UHRF2: variants seen among roughly 807,000 people sequenced by gnomAD.
UHRF2 encodes E3 ubiquitin-protein ligase UHRF2.
UHRF2 carries 23 observed loss-of-function variants against 96.8 expected under a neutral mutation model. The observed-to-expected ratio is 0.24, with a 90% CI of 0.17 to 0.34. The LOEUF (loss-of-function observed/expected upper bound fraction) is 0.34. Among genes scored for constraint, UHRF2 ranks in the 10% least tolerant of loss-of-function variants. UHRF2 has a pLI of 1.00. For synonymous variants in UHRF2, 385 were observed against 332.6 expected (o/e 1.16, Z -1.72); for missense variants, 685 against 981.5 (o/e 0.70, Z 4.04).
chr9:6,439,212 C>A (rs1215347090), intron 3 of UHRF2, among the ~76,000 whole-genome samples: 2 of 152,162 alleles, frequency 1.3e-5, no homozygotes, highest in African/African-American at 4.8e-5. Flanking sequence ...TTTGAGACAG[C>A]CCTGCTCTAT....
chr9:6,460,465 A>T, intron 3 of UHRF2, 108 bp from the exon 4 acceptor site: 3 of 902,018 alleles, frequency 3.3e-6, no homozygotes, highest in Admixed American at 5.3e-5. Flanking sequence ...AACCTATTTT[A>T]CTCTTTCTCT....
At chr9:6,473,680 G>A (rs1010144328) in intron 4 of UHRF2, among the ~76,000 whole-genome samples, 9 of 152,080 alleles carry the variant, frequency 5.9e-5, no homozygotes, top group South Asian at 2.1e-4. Context: ...GTAAAGAGCC[G>A]GATAGTAAAT....
At chr9:6,444,761 C>T (rs1299883956) in intron 3 of UHRF2, among the ~76,000 whole-genome samples, 2 of 152,102 alleles carry the variant, frequency 1.3e-5, no homozygotes, top group Non-Finnish European at 2.9e-5. Flanking sequence ...CACTACCACG[C>T]CTGCCTAATT....
chr9:6,451,751 G>A (rs12686562), intron 3 of UHRF2, among the ~76,000 whole-genome samples: 32,812 of 150,280 alleles, frequency 0.22, 3,774 homozygotes, highest in African/African-American at 0.27. Flanking sequence ...GATTACAGGC[G>A]TGAGCCACCG....
At chr9:6,434,999 GTTTTTT>G (rs58171060) in intron 3 of UHRF2, among the ~76,000 whole-genome samples, 23 of 145,530 alleles carry the variant, frequency 1.6e-4, no homozygotes, top group Non-Finnish European at 3.0e-4. Flanking sequence ...TGTTTGGCTA[GTTTTTT>G]TTTTTTTTAA....
intron 9 of UHRF2, chr9:6,492,677 C>T (rs1050396263): frequency 1.3e-5 from 2 of 152,608 alleles, no homozygotes; most frequent in East Asian, 3.8e-4. Context: ...TTAAAATGAT[C>T]TTGCATTAAA....
In UHRF2 at chr9:6,434,596, G is replaced by A. The variant is rs897430708; in HGVS notation, c.644+423G>A. ...TGGGATTACAGGTGCATATCACCAC[G>A]CCTGATTAATTCTTGTATTTTTAGT... On this transcript the variant is annotated intron_variant, in intron 3 of 15. Coordinates refer to ENST00000276893, the MANE Select transcript of UHRF2 (RefSeq NM_152896.3). Among the ~76,000 whole-genome samples the A allele has an allele frequency of 5.9e-5, 9 of 151,606 alleles. No individual in the cohort carries two copies. The South Asian group carries it at 1.9e-3, about 32-fold the overall frequency.
intron 3 of UHRF2, among the ~76,000 whole-genome samples, chr9:6,455,592 T>G (rs1822130024): frequency 6.6e-6 from 1 of 152,150 alleles, no homozygotes; most frequent in Non-Finnish European, 1.5e-5. Context: ...AGTGCTGCAG[T>G]GAGCATACTT....
chr9:6,444,667 T>A (rs972983715), intron 3 of UHRF2, among the ~76,000 whole-genome samples: 3 of 152,156 alleles, frequency 2.0e-5, no homozygotes, highest in East Asian at 3.9e-4. Flanking sequence ...AATGGCATAA[T>A]CTCAGCTCAC....
At chr9:6,504,500 C>G in intron 14 of UHRF2, 93 bp from the exon 15 acceptor site, 1 of 737,402 alleles carries the variant, frequency 1.4e-6, no homozygotes, top group African/African-American at 1.8e-5. Flanking sequence ...GAATTATTCT[C>G]TACTAGCTGT....
intron 3 of UHRF2, among the ~76,000 whole-genome samples, chr9:6,455,359 A>T (rs978647549): frequency 6.6e-6 from 1 of 152,032 alleles, no homozygotes; most frequent in Admixed American, 6.6e-5. Context: ...TCATTGTTCA[A>T]TTCCCACCTA....
At chr9:6,422,521 A>C (rs995267112) in intron 2 of UHRF2, 3 of 428,386 alleles carry the variant, frequency 7.0e-6, no homozygotes, top group Non-Finnish European at 1.3e-5. Flanking sequence ...TGGAGATTGC[A>C]TCTATAGATC....
At chr9:6,484,455 C>G (rs1171941900) in intron 8 of UHRF2, 1 of 150,930 alleles carries the variant, frequency 6.6e-6, no homozygotes, top group African/African-American at 2.4e-5. Context: ...CCCTCCTCCC[C>G]CCTCCTCCTG....
intron 1 of UHRF2, among the ~76,000 whole-genome samples, chr9:6,418,192 A>G (rs1481172735): frequency 6.6e-6 from 1 of 150,680 alleles, no homozygotes; most frequent in East Asian, 1.9e-4. Context: ...GTGTGAATGC[A>G]GTGTTTGCTC....
intron 6 of UHRF2, 42 bp from the exon 7 acceptor site, chr9:6,481,600 AT>A (rs753816521): frequency 1.3e-6 from 2 of 1,597,456 alleles, no homozygotes; most frequent in South Asian, 1.1e-5. Context: ...TAGCTTTAAT[AT>A]GGTATTGTGA....
intron 14 of UHRF2, among the ~76,000 whole-genome samples, chr9:6,503,955 T>C (rs1816440831): frequency 6.6e-6 from 1 of 151,242 alleles, no homozygotes; most frequent in Non-Finnish European, 1.5e-5. Context: ...TTTCTTTATA[T>C]AACTTTGCTC....
At chr9:6,493,092 G>A (rs552120397) in intron 9 of UHRF2, among the ~76,000 whole-genome samples, 1 of 152,108 alleles carries the variant, frequency 6.6e-6, no homozygotes, top group Non-Finnish European at 1.5e-5. Flanking sequence ...GAGACCGGGA[G>A]TTGGAGACCA....
chr9:6,506,840 TATTCA>T lies in UHRF2; in HGVS notation c.*662_*666del. ...GGTGTGGTTTTGCACTTAAAAGAGG[TATTCA>T]TATGCTCTAGTTGTAAATGTTCATG... On this transcript the variant is annotated 3_prime_UTR_variant, in exon 16 of 16. Transcript: ENST00000276893. 6.5e-6 allele frequency: 1 copy of T among 152,724 alleles called. No individual in the cohort carries two copies. The highest frequency in any genetic ancestry group is 1.9e-4 in the East Asian group (1 of 5,180). 9.5% of individuals were successfully genotyped at this position (152,724 alleles called of 1,614,324 possible).
intron 4 of UHRF2, among the ~76,000 whole-genome samples, chr9:6,475,124 A>G (rs569885134): frequency 1.3e-5 from 2 of 152,288 alleles, no homozygotes; most frequent in African/African-American, 4.8e-5. Flanking sequence ...CATTTTATCT[A>G]GTCTTTAAAT....
Sources: allele counts gnomAD v4.1 joint callset (sites outside exome capture counted in the v4.1 genomes callset), GRCh38; gene constraint gnomAD v4.1.1; transcripts MANE v1.5; gene names NCBI Gene and HGNC (gene_info 2026-07-23, HGNC 2026-07-21).